The following PRPF39 variants were observed in gnomAD, a reference collection of about 807,000 sequenced individuals.
PRPF39 encodes the protein pre-mRNA-processing factor 39.
In PRPF39, 27 loss-of-function variants were observed where a neutral mutation model predicts 82.1. The ratio of observed to expected loss-of-function variants is 0.33; its 90% CI spans 0.24 to 0.45. PRPF39 has a LOEUF of 0.45. Ranked by LOEUF, PRPF39 falls within the 20% of genes least tolerant of loss-of-function variation. The pLI, the probability that PRPF39 is intolerant of heterozygous loss-of-function variation, is 1.00. For missense variants in PRPF39, 581 were observed against 796.9 expected, an observed-to-expected ratio of 0.73 and a Z score of 3.26; for synonymous variants, 261 against 256.4, an observed-to-expected ratio of 1.02 and a Z score of -0.17.
chr14:45,100,613 C>T (rs1272840162), intron 4 of PRPF39, among the ~76,000 whole-genome samples: 2 of 152,148 alleles, frequency 1.3e-5, no homozygotes, highest in East Asian at 3.9e-4. Flanking sequence ...GGTTAATTTT[C>T]TGAATCATTT....
chr14:45,098,285 C>T (rs761802262), intron 4 of PRPF39, among the ~76,000 whole-genome samples: 1 of 151,600 alleles, frequency 6.6e-6, no homozygotes, highest in Non-Finnish European at 1.5e-5. Flanking sequence ...GTCTCAAAAA[C>T]AAAAAACATT....
intron 2 of PRPF39, 28 bp downstream of exon 2, chr14:45,095,591 AG>A: frequency 6.5e-7 from 1 of 1,528,168 alleles, no homozygotes; most frequent in Non-Finnish European, 8.8e-7. Context: ...TGGTATCAGA[AG>A]GGACAAATTA....
chr14:45,089,006 T>A (rs542729108), intron 1 of PRPF39, among the ~76,000 whole-genome samples: 23 of 152,364 alleles, frequency 1.5e-4, no homozygotes, highest in South Asian at 1.4e-3. Context: ...TAGCCCCTTA[T>A]TACAGATATG....
At chr14:45,084,952 A>G (rs1268649857) in intron 1 of PRPF39, among the ~76,000 whole-genome samples, 1 of 152,180 alleles carries the variant, frequency 6.6e-6, no homozygotes, top group Non-Finnish European at 1.5e-5. Flanking sequence ...TACCATGTGA[A>G]TTTATGCTGA....
chr14:45,085,683 G>A (rs1291779751), intron 1 of PRPF39, among the ~76,000 whole-genome samples: 7 of 152,200 alleles, frequency 4.6e-5, no homozygotes, highest in East Asian at 1.9e-4. Context: ...AAAAGTCGGC[G>A]TGTGACTACT....
chr14:45,104,631 A>G (rs941299763), intron 5 of PRPF39, among the ~76,000 whole-genome samples: 1 of 152,166 alleles, frequency 6.6e-6, no homozygotes. Flanking sequence ...TACAGTAATA[A>G]TGGAAATATT....
At chr14:45,098,874 G>A (rs1884284834) in intron 4 of PRPF39, among the ~76,000 whole-genome samples, 1 of 152,164 alleles carries the variant, frequency 6.6e-6, no homozygotes. Flanking sequence ...CCAACTTTTA[G>A]AAGAGTGTGT....
chr14:45,097,044 T>C, intron 4 of PRPF39, 39 bp downstream of exon 4: 1 of 1,491,018 alleles, frequency 6.7e-7, no homozygotes, highest in South Asian at 1.4e-5. Flanking sequence ...TTTTATGATA[T>C]AAATAATTAT....
At chr14:45,108,637 A>G (rs1884610761) in intron 7 of PRPF39, 115 bp downstream of exon 7, 1 of 1,295,322 alleles carries the variant, frequency 7.7e-7, no homozygotes, top group Admixed American at 3.7e-5. Flanking sequence ...TATTTAAGCC[A>G]TAACTTCAGA....
intron 1 of PRPF39, among the ~76,000 whole-genome samples, chr14:45,088,541 G>C (rs1044177043): frequency 6.6e-6 from 1 of 152,194 alleles, no homozygotes; most frequent in Non-Finnish European, 1.5e-5. Context: ...GAAGAGGCAA[G>C]AGTTTTGGTG....
chr14:45,086,103 C>G (rs2139030137), intron 1 of PRPF39, among the ~76,000 whole-genome samples: 1 of 152,130 alleles, frequency 6.6e-6, no homozygotes, highest in African/African-American at 2.4e-5. Flanking sequence ...GCCACCACGC[C>G]TAATTTTTTG....
At chr14:45,106,681 A>G (rs1884543321) in intron 5 of PRPF39, among the ~76,000 whole-genome samples, 1 of 152,166 alleles carries the variant, frequency 6.6e-6, no homozygotes, top group Admixed American at 6.5e-5. Context: ...TAGTTTTGAG[A>G]GTCATCATGG....
chr14:45,114,280 A>C, intron 12 of PRPF39, 23 bp downstream of exon 12: 1 of 1,534,122 alleles, frequency 6.5e-7, no homozygotes, highest in Non-Finnish European at 8.9e-7. Context: ...TTGCTAAGTC[A>C]AGAAGGCGTG....
chr14:45,105,872 A>G (rs1290231660), intron 5 of PRPF39, among the ~76,000 whole-genome samples: 2 of 151,906 alleles, frequency 1.3e-5, no homozygotes, highest in Non-Finnish European at 2.9e-5. Flanking sequence ...TAGAGGTGGG[A>G]ATGGGAGTTG....
At chr14:45,114,304 A>G in intron 12 of PRPF39, 47 bp downstream of exon 12, 1 of 1,452,802 alleles carries the variant, frequency 6.9e-7, no homozygotes, top group Non-Finnish European at 9.5e-7. Context: ...CATTATGGAA[A>G]TGCCTTCAAA....
At chr14:45,109,243 A>C (rs943835010) in intron 7 of PRPF39, among the ~76,000 whole-genome samples, 3 of 152,220 alleles carry the variant, frequency 2.0e-5, no homozygotes, top group African/African-American at 4.8e-5. Flanking sequence ...GAACTCTTTT[A>C]GCACTCCAAA....
At chr14:45,107,917 A>T (rs1884585074) in intron 6 of PRPF39, among the ~76,000 whole-genome samples, 1 of 151,914 alleles carries the variant, frequency 6.6e-6, no homozygotes, top group Non-Finnish European at 1.5e-5. Context: ...CCAAAGAGCA[A>T]GACTCCATCT....
chr14:45,107,721 G>A, intron 6 of PRPF39, 105 bp downstream of exon 6: 1 of 1,152,602 alleles, frequency 8.7e-7, no homozygotes, highest in South Asian at 1.6e-5. Flanking sequence ...CTGAGGTCCG[G>A]AGTTTGAGAC....
intron 1 of PRPF39, among the ~76,000 whole-genome samples, chr14:45,093,966 T>C (rs545073731): frequency 6.6e-6 from 1 of 152,350 alleles, no homozygotes; most frequent in African/African-American, 2.4e-5. Flanking sequence ...GTATAAAATA[T>C]GTACAGTTGC....
Sources: gnomAD v4.1 joint callset for allele counts (sites outside exome capture counted in the v4.1 genomes callset) on GRCh38, gnomAD v4.1.1 for gene constraint, MANE v1.5 for transcripts, NCBI Gene and HGNC (gene_info 2026-07-23, HGNC 2026-07-21) for gene names.